Variants in CLVS1 observed in about 807,000 individuals in gnomAD.
The protein encoded by CLVS1 is clavesin 1.
A neutral mutation model predicts 33.1 loss-of-function variants in CLVS1; 10 were observed. The observed-to-expected ratio is 0.30, with a 90% CI of 0.19 to 0.51. The LOEUF is 0.51. Among genes scored for constraint, CLVS1 ranks in the 20% least tolerant of loss-of-function variants. The pLI is 0.97. For synonymous variants in CLVS1, 163 were observed against 166.1 expected (o/e 0.98, Z 0.14); for missense variants, 343 against 433.4 (o/e 0.79, Z 1.85).
intron 5 of CLVS1, chr8:61,464,917 G>A (rs932956621): frequency 2.6e-5 from 4 of 152,318 alleles, no homozygotes; most frequent in African/African-American, 9.6e-5. Flanking sequence ...ACTATTCACT[G>A]TCTTTTTGAC....
chr8:61,063,139 A>G (rs1314718604), intron 1 of CLVS1, among the ~76,000 whole-genome samples: 2 of 152,178 alleles, frequency 1.3e-5, no homozygotes, highest in Admixed American at 1.3e-4. Flanking sequence ...CTACGTAAGT[A>G]AGACAAAGGC....
At chr8:61,162,984 A>G (rs1367112020) in intron 2 of CLVS1, among the ~76,000 whole-genome samples, 1 of 152,128 alleles carries the variant, frequency 6.6e-6, no homozygotes, top group Non-Finnish European at 1.5e-5. Context: ...AAAGTGCCAA[A>G]CTCACAGGGG....
At chr8:60,979,114 T>G in the CLVS1 span, among the ~76,000 whole-genome samples, 3 of 152,200 alleles carry the variant, frequency 2.0e-5, no homozygotes, top group Non-Finnish European at 4.4e-5. Flanking sequence ...GGAGAGAGCA[T>G]TGGACTAGAA....
chr8:61,032,321 C>T, the CLVS1 span, among the ~76,000 whole-genome samples: 3 of 152,194 alleles, frequency 2.0e-5, no homozygotes, highest in South Asian at 2.1e-4. Flanking sequence ...ATGATTGGAG[C>T]ACCTCCTTCT....
chr8:61,328,356 T>C (rs1811461908), intron 2 of CLVS1, among the ~76,000 whole-genome samples: 1 of 152,126 alleles, frequency 6.6e-6, no homozygotes, highest in African/African-American at 2.4e-5. Flanking sequence ...TAATGGGGTA[T>C]GTTTTGTGGC....
At chr8:61,093,093 T>C (rs905996339) in intron 1 of CLVS1, among the ~76,000 whole-genome samples, 3 of 152,204 alleles carry the variant, frequency 2.0e-5, no homozygotes, top group South Asian at 4.1e-4. Context: ...TCTTCTTGTG[T>C]ATTCTCAAAA....
At chr8:61,132,312 G>C (rs1275157179) in intron 2 of CLVS1, among the ~76,000 whole-genome samples, 1 of 152,232 alleles carries the variant, frequency 6.6e-6, no homozygotes, top group Non-Finnish European at 1.5e-5. Context: ...CTGGGGTTGC[G>C]GCAGGGGAAT....
intron 2 of CLVS1, among the ~76,000 whole-genome samples, chr8:61,360,179 C>T (rs971442097): frequency 2.6e-5 from 4 of 152,192 alleles, no homozygotes; most frequent in African/African-American, 7.2e-5. Context: ...ACACACCTTT[C>T]CCACTGCATT....
At chr8:61,251,707 G>C (rs1001961206) in intron 2 of CLVS1, among the ~76,000 whole-genome samples, 1 of 152,126 alleles carries the variant, frequency 6.6e-6, no homozygotes, top group African/African-American at 2.4e-5. Flanking sequence ...GCATAGAGGT[G>C]TTTATAGTAT....
chr8:61,078,878 A>C (rs901666155), intron 1 of CLVS1, among the ~76,000 whole-genome samples: 1 of 152,212 alleles, frequency 6.6e-6, no homozygotes, highest in African/African-American at 2.4e-5. Flanking sequence ...TTTAAAAACT[A>C]TTACCTTATT....
intron 5 of CLVS1, among the ~76,000 whole-genome samples, chr8:61,475,365 C>T (rs184725416): frequency 2.6e-5 from 4 of 152,312 alleles, no homozygotes; most frequent in Admixed American, 1.3e-4. Context: ...CCTGAGGAAT[C>T]GCCACACCAG....
intron 2 of CLVS1, among the ~76,000 whole-genome samples, chr8:61,150,529 C>T (rs1432752204): frequency 6.6e-6 from 1 of 152,168 alleles, no homozygotes; most frequent in African/African-American, 2.4e-5. Flanking sequence ...GCTTTGATTC[C>T]ACCCCCAGCC....
intron 2 of CLVS1, among the ~76,000 whole-genome samples, chr8:61,271,532 T>A (rs375790416): frequency 6.8e-6 from 1 of 148,010 alleles, no homozygotes; most frequent in Non-Finnish European, 1.5e-5. Context: ...CTATTAGGTC[T>A]GCTTGGTGCA....
chr8:60,982,952 C>T, the CLVS1 span, among the ~76,000 whole-genome samples: 1 of 151,918 alleles, frequency 6.6e-6, no homozygotes, highest in Non-Finnish European at 1.5e-5. Flanking sequence ...AACAAACAAA[C>T]CCCCCACACC....
At chr8:61,134,926 A>G (rs1022415650) in intron 2 of CLVS1, among the ~76,000 whole-genome samples, 1 of 152,052 alleles carries the variant, frequency 6.6e-6, no homozygotes, top group Non-Finnish European at 1.5e-5. Flanking sequence ...GACCACAGAT[A>G]GAGATACAGA....
At chr8:61,470,711 T>C (rs1817703305) in intron 5 of CLVS1, among the ~76,000 whole-genome samples, 1 of 152,244 alleles carries the variant, frequency 6.6e-6, no homozygotes, top group Non-Finnish European at 1.5e-5. Context: ...TGACATAATA[T>C]ATGGTAGAAG....
intron 1 of CLVS1, among the ~76,000 whole-genome samples, chr8:61,130,168 G>A (rs1256756752): frequency 2.0e-5 from 3 of 151,870 alleles, no homozygotes; most frequent in Non-Finnish European, 4.4e-5. Context: ...AGCCTGGGAG[G>A]TGGAGGTTGC....
intron 1 of CLVS1, among the ~76,000 whole-genome samples, chr8:61,061,885 C>T (rs1028209737): frequency 6.6e-6 from 1 of 151,976 alleles, no homozygotes; most frequent in African/African-American, 2.4e-5. Flanking sequence ...CCAGCATATC[C>T]GTAGCACCTG....
the CLVS1 span, among the ~76,000 whole-genome samples, chr8:60,984,799 G>A: frequency 3.3e-5 from 5 of 152,172 alleles, no homozygotes; most frequent in Admixed American, 2.0e-4. Context: ...TCTTGTAGAT[G>A]AGGAAATGGT....
Sources: gnomAD v4.1 joint callset for allele counts (sites outside exome capture counted in the v4.1 genomes callset) on GRCh38, gnomAD v4.1.1 for gene constraint, MANE v1.5 for transcripts, NCBI Gene and HGNC (gene_info 2026-07-23, HGNC 2026-07-21) for gene names.